Variants in UNC13C observed in about 807,000 individuals in gnomAD.
UNC13C encodes the protein unc-13 homolog C.
UNC13C carries 174 observed loss-of-function variants against 245.4 expected under a neutral mutation model. The observed-to-expected ratio is 0.71, with a 90% CI of 0.63 to 0.80. UNC13C has a LOEUF of 0.80. Among genes scored for constraint, UNC13C ranks in the 30% least tolerant of loss-of-function variants. The pLI, the probability that UNC13C is intolerant of heterozygous loss-of-function variation, is 0.00. For missense variants in UNC13C, 2,829 were observed against 2,602.9 expected (o/e 1.09, Z -1.89); for synonymous variants, 992 against 895.1 (o/e 1.11, Z -1.93).
chr15:53,915,156 A>AG, the UNC13C span, among the ~76,000 whole-genome samples: 1 of 152,190 alleles, frequency 6.6e-6, no homozygotes, highest in Non-Finnish European at 1.5e-5. Flanking sequence ...AAACTGCCAC[A>AG]GGGGCCTGTG....
At chr15:54,147,317 T>G (rs1210080857) in intron 4 of UNC13C, among the ~76,000 whole-genome samples, 2 of 151,836 alleles carry the variant, frequency 1.3e-5, no homozygotes, top group Non-Finnish European at 2.9e-5. Flanking sequence ...CCTCCCGGGT[T>G]CATGCCATTC....
chr15:54,064,570 C>A (rs1205646031), intron 2 of UNC13C, among the ~76,000 whole-genome samples: 1 of 152,152 alleles, frequency 6.6e-6, no homozygotes, highest in Non-Finnish European at 1.5e-5. Context: ...CTAACGTGAA[C>A]CAGAAGCTCA....
At chr15:54,039,665 A>T (rs1473065351) in intron 2 of UNC13C, among the ~76,000 whole-genome samples, 1 of 152,056 alleles carries the variant, frequency 6.6e-6, no homozygotes, top group Non-Finnish European at 1.5e-5. Flanking sequence ...TTGGTCCCAT[A>T]ACTTTGAATG....
At chr15:54,178,534 T>C (rs545211640) in intron 4 of UNC13C, among the ~76,000 whole-genome samples, 19 of 152,138 alleles carry the variant, frequency 1.2e-4, no homozygotes, top group Non-Finnish European at 2.1e-4. Flanking sequence ...TAGAAACAGC[T>C]GTGGAAACGA....
intron 13 of UNC13C, among the ~76,000 whole-genome samples, chr15:54,310,520 A>G (rs2037840275): frequency 1.3e-5 from 2 of 151,952 alleles, no homozygotes; most frequent in South Asian, 2.1e-4. Context: ...CACAGCCAAC[A>G]TGTTATTTAT....
intron 2 of UNC13C, among the ~76,000 whole-genome samples, chr15:54,065,695 A>C (rs1213274480): frequency 6.6e-6 from 1 of 152,336 alleles, no homozygotes; most frequent in South Asian, 2.1e-4. Flanking sequence ...CCAGTACCTC[A>C]CAAGAACTTT....
chr15:54,108,240 G>T (rs570149283), intron 2 of UNC13C, among the ~76,000 whole-genome samples: 7 of 152,040 alleles, frequency 4.6e-5, no homozygotes, highest in Non-Finnish European at 1.0e-4. Context: ...AGGCTGGAGT[G>T]CAGTGGCGCG....
intron 2 of UNC13C, among the ~76,000 whole-genome samples, chr15:54,090,503 A>G (rs1303054211): frequency 6.6e-6 from 1 of 152,216 alleles, no homozygotes; most frequent in Non-Finnish European, 1.5e-5. Context: ...AGATAGATCA[A>G]GAAAAGTTAA....
At chr15:53,865,498 C>G in the UNC13C span, among the ~76,000 whole-genome samples, 17 of 152,116 alleles carry the variant, frequency 1.1e-4, no homozygotes, top group Non-Finnish European at 2.5e-4. Context: ...GGACACCAGT[C>G]ATATTAGATT....
chr15:53,838,141 G>A, the UNC13C span, among the ~76,000 whole-genome samples: 1 of 151,712 alleles, frequency 6.6e-6, no homozygotes, highest in Non-Finnish European at 1.5e-5. Flanking sequence ...ATTTTAATTG[G>A]AATTACATAA....
At chr15:54,226,654 A>G (rs1400096746) in intron 4 of UNC13C, among the ~76,000 whole-genome samples, 2 of 152,186 alleles carry the variant, frequency 1.3e-5, no homozygotes, top group Admixed American at 6.5e-5. Flanking sequence ...TGTGTTGGAG[A>G]GCAAGCCTGG....
intron 29 of UNC13C, among the ~76,000 whole-genome samples, chr15:54,559,820 A>T (rs1897231644): frequency 6.6e-6 from 1 of 152,008 alleles, no homozygotes; most frequent in African/African-American, 2.4e-5. Flanking sequence ...AACTTTAAAT[A>T]GTCTAGTGTA....
At chr15:53,895,287 C>G in the UNC13C span, among the ~76,000 whole-genome samples, 2 of 147,422 alleles carry the variant, frequency 1.4e-5, no homozygotes, top group South Asian at 2.2e-4. Flanking sequence ...TAGCTTGAAC[C>G]CAGGAGTCGG....
At chr15:54,470,191 A>G (rs113548128) in intron 19 of UNC13C, among the ~76,000 whole-genome samples, 23 of 151,748 alleles carry the variant, frequency 1.5e-4, no homozygotes, top group East Asian at 5.8e-4. Flanking sequence ...TTGCCCATCT[A>G]TGTTCATCAG....
rs138948384 is a variant in UNC13C at position 54,434,187 on chromosome 15, C to G, written c.4933+19120C>G. 2.0e-5 allele frequency among the ~76,000 whole-genome samples: 3 copies of G among 152,180 alleles called. No individual in the cohort carries two copies. In the East Asian group the frequency reaches 5.8e-4, roughly 29 times the overall value. On this transcript the variant is annotated intron_variant, in intron 19 of 32. Coordinates refer to ENST00000260323, the MANE Select transcript of UNC13C (RefSeq NM_001080534.3). ...GTAATTTATAGATTCAATGCTATCCCCATCAGCTACCATTGACTTTCTTCA... is the reference window on the plus strand; with the variant it reads ...GTAATTTATAGATTCAATGCTATCCGCATCAGCTACCATTGACTTTCTTCA...
chr15:54,447,515 T>C lies in UNC13C; in HGVS notation c.4933+32448T>C, dbSNP rs541754403. ...TTTAGTCTTGGGAGGATGTATGTGT[T>C]GAGGAATTTATCCATTTCTTCTAGA... On this transcript the variant is annotated intron_variant, in intron 19 of 32. Coordinates refer to ENST00000260323, the MANE Select transcript of UNC13C (RefSeq NM_001080534.3). Among the ~76,000 whole-genome samples, 766 of 152,228 alleles carry C rather than the reference T, an allele frequency of 5.0e-3. 6 individuals are homozygous for C. Among genetic ancestry groups the C allele is most frequent in the African/African-American group, 0.017 (718 of 41,558 alleles).
At chr15:54,418,685 C>T (rs2040571981) in intron 19 of UNC13C, among the ~76,000 whole-genome samples, 2 of 152,044 alleles carry the variant, frequency 1.3e-5, no homozygotes, top group Admixed American at 1.3e-4. Context: ...TAAATATATC[C>T]TGCATACACT....
intron 25 of UNC13C, among the ~76,000 whole-genome samples, chr15:54,529,975 C>T (rs1394879927): frequency 6.6e-6 from 1 of 152,100 alleles, no homozygotes; most frequent in East Asian, 1.9e-4. Context: ...TACTACTTGC[C>T]ATGCTTACTT....
At chr15:54,089,077 C>T (rs1242340177) in intron 2 of UNC13C, among the ~76,000 whole-genome samples, 1 of 152,182 alleles carries the variant, frequency 6.6e-6, no homozygotes, top group Non-Finnish European at 1.5e-5. Flanking sequence ...CACCCTTCTC[C>T]TGTGCTTACC....
Sources: allele counts gnomAD v4.1 joint callset (sites outside exome capture counted in the v4.1 genomes callset), GRCh38; gene constraint gnomAD v4.1.1; transcripts MANE v1.5; gene names NCBI Gene and HGNC (gene_info 2026-07-23, HGNC 2026-07-21).